MED16: variants seen among roughly 807,000 people sequenced by gnomAD.
The protein encoded by MED16 is mediator complex subunit 16, also known as mediator of RNA polymerase II transcription subunit 16.
Under a neutral mutation model 84.4 loss-of-function variants are expected in MED16, and 81 were observed. That is an observed-to-expected ratio of 0.96 (90% CI 0.80 to 1.15). The LOEUF is 1.15. Among genes scored for constraint, MED16 ranks in the 50% most tolerant of loss-of-function variants. The probability of loss-of-function intolerance (pLI) is 0.00; values close to 1 mark genes in which losing one functional copy is unlikely to be tolerated. For synonymous variants in MED16, 897 were observed against 552.2 expected (o/e 1.62, Z -8.76); for missense variants, 1,585 against 1,245.9 (o/e 1.27, Z -4.10).
intron 13 of MED16, among the ~76,000 whole-genome samples, chr19:870,393 T>C (rs557610171): frequency 6.6e-5 from 10 of 152,164 alleles, no homozygotes; most frequent in Non-Finnish European, 1.2e-4. Context: ...AAACCGCCTC[T>C]ATACCAAAAA....
chr19:875,565 G>T, intron 9 of MED16, 111 bp from the exon 10 acceptor site: 1 of 846,514 alleles, frequency 1.2e-6, no homozygotes, highest in Non-Finnish European at 1.8e-6. Flanking sequence ...CGGTCAGCTG[G>T]GCAAGCTGCT....
intron 11 of MED16, 111 bp from the exon 12 acceptor site, chr19:872,229 G>A (rs1249198997): frequency 9.3e-6 from 8 of 861,750 alleles, no homozygotes; most frequent in African/African-American, 5.1e-5. Context: ...GCAGGGTCTG[G>A]GACATTTGTG....
intron 2 of MED16, among the ~76,000 whole-genome samples, chr19:890,704 C>T (rs532263542): frequency 6.6e-6 from 1 of 152,196 alleles, no homozygotes; most frequent in Admixed American, 6.5e-5. Flanking sequence ...AACAAGCCTC[C>T]GTCAACCAAC....
intron 1 of MED16, chr19:892,713 C>G (rs1487283739): frequency 6.9e-6 from 1 of 143,918 alleles, no homozygotes; most frequent in South Asian, 2.1e-4. Flanking sequence ...TACAGCCCCC[C>G]AGTCCCCAGG....
At chr19:873,397 T>TGAGATGGGGGCC in intron 11 of MED16, 52 bp downstream of exon 11, 1 of 1,455,626 alleles carries the variant, frequency 6.9e-7, no homozygotes, top group Non-Finnish European at 9.0e-7. Context: ...GGGGTCCTGA[T>TGAGATGGGGGCC]GAGATGGGGG....
chr19:870,640 C>G (rs900624997), intron 13 of MED16, among the ~76,000 whole-genome samples: 1 of 150,840 alleles, frequency 6.6e-6, no homozygotes, highest in African/African-American at 2.4e-5. Context: ...CGTGACACAG[C>G]AGAAGACACC....
rs1351165425 is a variant in MED16, at chr19:876,974, C to A, written c.1560G>T (p.Gln520His). ...EYTRQTAALQ[Q>H]VLSTRILAMK... Reference sequence around the variant, plus strand: ...GGCCCCACCTGCCACGGGCCCCCACCTGCTGCAGGGCAGCGGTCTGGCGCG... The same window carrying A: ...GGCCCCACCTGCCACGGGCCCCCACATGCTGCAGGGCAGCGGTCTGGCGCG... Residue 520 changes from glutamine to histidine, a missense_variant and splice_region_variant, in exon 9 of 16, where the codon CAG becomes CAT. Coordinates refer to ENST00000325464, the MANE Select transcript of MED16 (RefSeq NM_005481.3). The A allele has an allele frequency of 6.2e-7, 1 of 1,609,648 alleles. No homozygotes were observed. The highest frequency in any genetic ancestry group is 2.2e-5 in the East Asian group (1 of 44,780).
Position 889,683 on chromosome 19 carries a change from C to T in MED16, c.402G>A (p.Leu134=), listed in dbSNP as rs984029511. 1.2e-6 allele frequency: 2 copies of T among 1,613,928 alleles called. No individual in the cohort carries two copies. Among genetic ancestry groups the T allele is most frequent in the East Asian group, 2.2e-5 (1 of 44,882 alleles). The change falls in exon 4 of 16, where the codon CTG becomes CTA. Residue 134 remains leucine, a synonymous_variant. Coordinates refer to ENST00000325464, the MANE Select transcript of MED16 (RefSeq NM_005481.3). ...GTTTCACACCATTGTGCAGCCAGGA[C>T]AGGGCCACAATGGGGTCCCCCTCCA... is the stretch of plus-strand genomic sequence containing the variant. The part of the protein sequence containing the change: ...SLVEGDPIVA[L]SWLHNGVKLA...
In MED16 at chr19:884,777, C is replaced by T. The variant is rs1313597280; in HGVS notation, c.985+126G>A. 20 of 704,076 alleles carry T rather than the reference C, an allele frequency of 2.8e-5. 1 individual carries two copies. Among genetic ancestry groups the T allele is most frequent in the South Asian group, 1.3e-4 (8 of 59,874 alleles). 43.6% of individuals were successfully genotyped at this position (704,076 alleles called of 1,614,324 possible). A position where few individuals can be genotyped will look rare whatever the true frequency, so the allele number is the denominator to read the frequency against. ...ATCCTAGCACTACTGGAGATCGAGG[C>T]GAGACGATCGCTTAGGGCCGGGGTT... On this transcript the variant is annotated intron_variant, in intron 6 of 15. Transcript: ENST00000325464.
rs750126553 is a variant in MED16, at chr19:868,942, G to T, written c.2320C>A (p.Pro774Thr). ...AGGTGGTCGATCTTGGGCTGGCCTGGGGCCCTGGCGGGAGAGGGGAGAACG... is the reference window on the plus strand; with the variant it reads ...AGGTGGTCGATCTTGGGCTGGCCTGTGGCCCTGGCGGGAGAGGGGAGAACG... ...TLQLDGLARA[P>T]GQPKIDHLRR... Residue 774 changes from proline (P) to threonine (T), a missense_variant, in exon 14 of 16, where the codon CCA becomes ACA. Pro to Thr is a conservative substitution (Grantham distance 38). Coordinates refer to ENST00000325464, the MANE Select transcript of MED16 (RefSeq NM_005481.3). The T allele has an allele frequency of 7.8e-6, 12 of 1,537,258 alleles. No individual in the cohort carries two copies. Among genetic ancestry groups the T allele is most frequent in the Non-Finnish European group, 1.0e-5 (12 of 1,149,006 alleles).
chr19:870,697 G>A (rs1414622723), intron 13 of MED16, among the ~76,000 whole-genome samples: 1 of 151,974 alleles, frequency 6.6e-6, no homozygotes, highest in Non-Finnish European at 1.5e-5. Flanking sequence ...AGCAGTCATG[G>A]CCATGACTGG....
intron 1 of MED16, among the ~76,000 whole-genome samples, chr19:891,688 C>G (rs1393728131): frequency 8.1e-6 from 1 of 124,044 alleles, no homozygotes; most frequent in Non-Finnish European, 1.6e-5. Context: ...ACACCTGTGG[C>G]CGAGGCGGGG....
Position 890,195 on chromosome 19 carries a change from C to A in MED16, c.219G>T (p.Leu73=). 6.4e-7 allele frequency: 1 copy of A among 1,554,928 alleles called. No individual in the cohort carries two copies. The change falls in exon 3 of 16, where the codon CTG becomes CTT. Residue 73 remains leucine (L), a synonymous_variant. Coordinates refer to ENST00000325464, the MANE Select transcript of MED16 (RefSeq NM_005481.3). ...CGTGGTGCTCTGAGGGGATCGAGTG[C>A]AGGTCCCAGGGGTGCTCCGTGTCCA... is the stretch of plus-strand genomic sequence containing the variant. ...HILDTEHPWD[L]HSIPSEHHEA...
intron 6 of MED16, among the ~76,000 whole-genome samples, chr19:883,131 A>G (rs1568329911): frequency 6.6e-6 from 1 of 152,248 alleles, no homozygotes; most frequent in Non-Finnish European, 1.5e-5. Flanking sequence ...GGCTGCGGTC[A>G]GCATTCCTAA....
intron 13 of MED16, 107 bp from the exon 14 acceptor site, chr19:869,053 C>T: frequency 1.0e-6 from 1 of 976,622 alleles, no homozygotes; most frequent in Non-Finnish European, 1.5e-6. Flanking sequence ...CGGCCTCACA[C>T]CATCTGCCAG....
In MED16 at chr19:885,022, G is replaced by GC. The variant is rs2036497605; in HGVS notation, c.880-15_880-14insG. The GC allele has an allele frequency of 4.4e-6, 7 of 1,577,782 alleles. No individual in the cohort carries two copies. The highest frequency in any genetic ancestry group is 5.1e-6 in the Non-Finnish European group (6 of 1,165,664). ...GCACAAAAGCACCTGCGGGGGAGGT[G>GC]GGGGTGAGGGCTGACCCGGCACTGC... is the stretch of plus-strand genomic sequence containing the variant. On this transcript the variant is annotated splice_polypyrimidine_tract_variant and intron_variant, in intron 5 of 15. Coordinates refer to ENST00000325464, the MANE Select transcript of MED16 (RefSeq NM_005481.3).
intron 10 of MED16, 29 bp from the exon 11 acceptor site, chr19:873,611 C>G (rs748892654): frequency 1.9e-6 from 3 of 1,610,408 alleles, no homozygotes; most frequent in Non-Finnish European, 2.5e-6. Flanking sequence ...CGGGTCAGCT[C>G]GGGCCTCTTG....
intron 7 of MED16, among the ~76,000 whole-genome samples, chr19:880,550 T>C (rs533279117): frequency 2.4e-4 from 36 of 151,990 alleles, no homozygotes; most frequent in African/African-American, 8.7e-4. Context: ...TCTGCCATTG[T>C]ACGAGGGCCG....
intron 4 of MED16, among the ~76,000 whole-genome samples, chr19:887,693 A>G (rs578077753): frequency 1.3e-5 from 2 of 152,142 alleles, no homozygotes; most frequent in South Asian, 2.1e-4. Flanking sequence ...TTATTTTAAA[A>G]AGCGAGGCTC....
Sources: allele counts gnomAD v4.1 joint callset (sites outside exome capture counted in the v4.1 genomes callset), GRCh38; gene constraint gnomAD v4.1.1; transcripts MANE v1.5; gene names NCBI Gene and HGNC (gene_info 2026-07-23, HGNC 2026-07-21).